Variants in PDE4D observed in about 807,000 individuals in gnomAD.
The protein encoded by PDE4D is 3',5'-cyclic-AMP phosphodiesterase 4D.
Under a neutral mutation model 87.4 loss-of-function variants are expected in PDE4D, and 24 were observed. The ratio of observed to expected loss-of-function variants is 0.27; its 90% CI spans 0.20 to 0.39. PDE4D has a LOEUF of 0.39. Among genes scored for constraint, PDE4D ranks in the 10% least tolerant of loss-of-function variants. PDE4D has a pLI of 1.00. For missense variants in PDE4D, 714 were observed against 1,041.0 expected (o/e 0.69, Z 4.32); for synonymous variants, 384 against 383.2 (o/e 1.00, Z -0.02).
chr5:59,124,429 G>C (rs1775066124), intron 5 of PDE4D, among the ~76,000 whole-genome samples: 1 of 152,146 alleles, frequency 6.6e-6, no homozygotes, highest in South Asian at 2.1e-4. Context: ...ATTTATCTTA[G>C]CCCAGGCTGA....
In PDE4D at chr5:60,155,878, A is replaced by G. The variant is rs1273957825; in HGVS notation, c.42+29679T>C. Among the ~76,000 whole-genome samples the G allele has an allele frequency of 2.0e-5, 3 of 152,202 alleles. No homozygotes were observed. The East Asian group carries it at 5.8e-4, about 29-fold the overall frequency. On this transcript the variant is annotated intron_variant, in intron 2 of 16. Coordinates refer to the PDE4D transcript ENST00000502484. ...GCTTTTCATTAAATGAATCAAATTA[A>G]TGGAAAGCCTTGTTATTAGAGGCTG...
chr5:59,716,320 CAG>C (rs1268600608), intron 1 of PDE4D, among the ~76,000 whole-genome samples: 1 of 152,300 alleles, frequency 6.6e-6, no homozygotes, highest in African/African-American at 2.4e-5. Context: ...GGCTCATGGC[CAG>C]AGAGAGAGTA....
rs1323463232 is a variant in PDE4D at position 59,893,386 on chromosome 5, G to A, written c.237C>T (p.Pro79=). The change falls in exon 1 of 15, where the codon CCC becomes CCT. Residue 79 remains proline, a synonymous_variant. Transcript: ENST00000340635. The stretch of plus-strand genomic sequence containing the variant: ...GCGGCGGCGGGGGCGGCGGCAGGGG[G>A]GGCGGCGGCGGCGGCTGTAGCGGAC... ...PQCPLQPPPP[P]PLPPPPPPPG... 4.7e-6 allele frequency: 6 copies of A among 1,266,498 alleles called. No individual in the cohort carries two copies. Among genetic ancestry groups the A allele is most frequent in the Middle Eastern group, 3.0e-4 (1 of 3,308 alleles). The allele number at this position is 1,266,498 out of a possible 1,614,324, so 78.5% of individuals were successfully genotyped here. A position where few individuals can be genotyped will look rare whatever the true frequency, so the allele number is the denominator to read the frequency against.
At chr5:60,091,840 C>A (rs1182555622) in intron 2 of PDE4D, among the ~76,000 whole-genome samples, 3 of 151,826 alleles carry the variant, frequency 2.0e-5, no homozygotes, top group Non-Finnish European at 4.4e-5. Context: ...ATCACGAGGT[C>A]AGGAGATCGA....
intron 1 of PDE4D, among the ~76,000 whole-genome samples, chr5:59,396,386 G>A (rs538501413): frequency 0.061 from 5,879 of 95,816 alleles, 1,350 homozygotes; most frequent in South Asian, 0.28. Context: ...CAGATCTCTC[G>A]GCAGAAACCC....
intron 1 of PDE4D, among the ~76,000 whole-genome samples, chr5:59,456,591 G>T (rs1287997893): frequency 6.6e-6 from 1 of 152,134 alleles, no homozygotes; most frequent in African/African-American, 2.4e-5. Context: ...GATTCAAAGA[G>T]TATTTCAAGT....
chr5:59,924,802 C>T (rs1156703533), intron 3 of PDE4D, among the ~76,000 whole-genome samples: 1 of 152,052 alleles, frequency 6.6e-6, no homozygotes, highest in East Asian at 1.9e-4. Context: ...CAGAGAAACG[C>T]AGGATAGTAT....
chr5:59,792,693 CAGA>C lies in PDE4D; in HGVS notation c.455+100472_455+100474del, dbSNP rs1227901322. ...TAAGGCCTCTTTGGAAATCTTCAAA[CAGA>C]GGAGTGATCTAATCCAGGTGGTTTT... On this transcript the variant is annotated intron_variant, in intron 1 of 14. Coordinates refer to ENST00000340635, the MANE Select transcript of PDE4D (RefSeq NM_001104631.2). 2.0e-5 allele frequency among the ~76,000 whole-genome samples: 3 copies of C among 152,126 alleles called. No homozygotes were observed. The East Asian group carries it at 5.8e-4, about 29-fold the overall frequency.
intron 5 of PDE4D, among the ~76,000 whole-genome samples, chr5:59,112,457 C>A (rs1317408110): frequency 2.0e-5 from 3 of 152,158 alleles, no homozygotes; most frequent in Admixed American, 1.3e-4. Context: ...AGAGGAGATG[C>A]AGGGTCTCCT....
At chr5:60,052,999 T>C (rs948987490) in intron 2 of PDE4D, among the ~76,000 whole-genome samples, 3 of 152,154 alleles carry the variant, frequency 2.0e-5, no homozygotes, top group African/African-American at 7.2e-5. Context: ...GAAGGACCTC[T>C]TCAAGGAGAA....
At chr5:59,059,955 C>T (rs1458209202) in intron 5 of PDE4D, among the ~76,000 whole-genome samples, 1 of 151,988 alleles carries the variant, frequency 6.6e-6, no homozygotes, top group African/African-American at 2.4e-5. Context: ...ATGTGACTGC[C>T]CAAAATAGAG....
intron 1 of PDE4D, among the ~76,000 whole-genome samples, chr5:59,646,726 C>T (rs999869671): frequency 2.6e-5 from 4 of 152,052 alleles, no homozygotes; most frequent in Non-Finnish European, 5.9e-5. Flanking sequence ...GCATTTCTTA[C>T]CAAAAGTGAT....
At chr5:59,477,359 A>T (rs1267971843) in intron 1 of PDE4D, among the ~76,000 whole-genome samples, 1 of 134,374 alleles carries the variant, frequency 7.4e-6, no homozygotes, top group African/African-American at 3.0e-5. Context: ...ATAATAAAAA[A>T]AAAAAAAAAA....
intron 2 of PDE4D, among the ~76,000 whole-genome samples, chr5:60,035,071 C>T: frequency 6.6e-6 from 1 of 152,116 alleles, no homozygotes; most frequent in Non-Finnish European, 1.5e-5. Context: ...GCCTGGCCAA[C>T]ATGGCGAAAC....
intron 1 of PDE4D, among the ~76,000 whole-genome samples, chr5:59,479,773 G>T (rs1469614333): frequency 6.6e-6 from 1 of 152,062 alleles, no homozygotes; most frequent in African/African-American, 2.4e-5. Flanking sequence ...GTTCTCAGCT[G>T]ATTCCAGCTG....
chr5:60,285,059 C>T (rs1752289068), intron 1 of PDE4D, among the ~76,000 whole-genome samples: 2 of 152,002 alleles, frequency 1.3e-5, no homozygotes, highest in African/African-American at 2.4e-5. Context: ...ATTCACATTT[C>T]CTCCCAATCT....
At chr5:59,504,061 A>C (rs958755449) in intron 1 of PDE4D, among the ~76,000 whole-genome samples, 9 of 152,198 alleles carry the variant, frequency 5.9e-5, no homozygotes, top group African/African-American at 2.2e-4. Flanking sequence ...TTTCTTTTGA[A>C]GAATCCTTGT....
intron 1 of PDE4D, among the ~76,000 whole-genome samples, chr5:60,189,466 T>G (rs1785038717): frequency 6.6e-6 from 1 of 152,136 alleles, no homozygotes; most frequent in Admixed American, 6.5e-5. Flanking sequence ...ACAACCCACC[T>G]CACAGCGTTG....
chr5:59,949,434 CAA>C (rs59654913), intron 3 of PDE4D, among the ~76,000 whole-genome samples: 14 of 57,608 alleles, frequency 2.4e-4, no homozygotes, highest in Non-Finnish European at 2.6e-4. Flanking sequence ...CTCCGTCTCA[CAA>C]AAAAAAAAAA....
Sources: gnomAD v4.1 joint callset for allele counts (sites outside exome capture counted in the v4.1 genomes callset) on GRCh38, gnomAD v4.1.1 for gene constraint, MANE v1.5 for transcripts, NCBI Gene and HGNC (gene_info 2026-07-23, HGNC 2026-07-21) for gene names.